CD1E: variants seen among roughly 807,000 people sequenced by gnomAD.
CD1E encodes T-cell surface glycoprotein CD1e, membrane-associated.
A neutral mutation model predicts 40.1 loss-of-function variants in CD1E; 49 were observed. The ratio of observed to expected loss-of-function variants is 1.22; its 90% CI spans 0.97 to 1.55. CD1E has a LOEUF of 1.55. Ranked by LOEUF, CD1E falls within the 40% of genes most tolerant of loss-of-function variation. The pLI is 0.00. For missense variants in CD1E, 492 were observed against 471.3 expected (o/e 1.04, Z -0.41); for synonymous variants, 189 against 178.3 (o/e 1.06, Z -0.48).
Position 158,354,006 on chromosome 1 carries a change from C to G in CD1E, c.18C>G (p.Leu6=), listed in dbSNP as rs1425834081. Residue 6 remains leucine (L), a synonymous_variant, in exon 1 of 6, where the codon CTC becomes CTG. Transcript: ENST00000368167. MLLLF[L]LFEGLCCPGE... ...GAGCTTCAATGCTGCTCCTGTTCCT[C>G]CTCTTCGAGGGTCTCTGCTGTCCTG... The G allele has an allele frequency of 6.2e-7, 1 of 1,614,100 alleles. No homozygotes were observed. Among genetic ancestry groups the G allele is most frequent in the Non-Finnish European group, 8.5e-7 (1 of 1,179,938 alleles).
Position 158,354,463 on chromosome 1 carries a change from A to G in CD1E, c.145A>G (p.Ser49Gly), listed in dbSNP as rs79173509. 2.1e-4 allele frequency: 345 copies of G among 1,614,054 alleles called. 1 individual carries two copies. Among genetic ancestry groups the G allele is most frequent in the Non-Finnish European group, 2.8e-4 (328 of 1,179,996 alleles). The change falls in exon 2 of 6, where the codon AGC becomes GGC. Residue 49 changes from serine to glycine, a missense_variant. Ser to Gly is a moderately conservative substitution (Grantham distance 56). Coordinates refer to ENST00000368167, the MANE Select transcript of CD1E (RefSeq NM_030893.4). ...CCAAACTTCCTCCTTTGCCAACCACAGCTGGGCACACAGTGAGGGCTCAGG... is the reference window on the plus strand; with the variant it reads ...CCAAACTTCCTCCTTTGCCAACCACGGCTGGGCACACAGTGAGGGCTCAGG... ...MLQTSSFANHSWAHSEGSGWL... is the reference protein window; with the variant it reads ...MLQTSSFANHGWAHSEGSGWL...
rs1653720771 is a variant in CD1E, at chr1:158,356,584, A to G, written c.991A>G (p.Lys331Glu). Residue 331 changes from lysine to glutamate, a missense_variant, in exon 5 of 6, where the codon AAA becomes GAA. By Grantham distance (56) the Lys-to-Glu change is moderately conservative. Coordinates refer to ENST00000368167, the MANE Select transcript of CD1E (RefSeq NM_030893.4). ...GGTTGTAGTTGACTCACGGTTAAAAAAACAGAGGTGAGCTTTTTCTTGTTC... is the reference window on the plus strand; with the variant it reads ...GGTTGTAGTTGACTCACGGTTAAAAGAACAGAGGTGAGCTTTTTCTTGTTC... ...ILVVVDSRLK[K>E]QSSNKNILSP... 2 of 1,613,028 alleles carry G rather than the reference A, an allele frequency of 1.2e-6. No homozygotes were observed. The highest frequency in any genetic ancestry group is 1.7e-6 in the Non-Finnish European group (2 of 1,179,108).
At chr1:158,354,765 A>C in intron 2 of CD1E, 92 bp downstream of exon 2, 2 of 1,105,790 alleles carry the variant, frequency 1.8e-6, no homozygotes, top group Non-Finnish European at 2.6e-6. Flanking sequence ...CCATCATTTA[A>C]CCTTACTAAC....
At chr1:158,354,260 A>T in intron 1 of CD1E, 117 bp from the exon 2 acceptor site, 1 of 1,028,400 alleles carries the variant, frequency 9.7e-7, no homozygotes, top group Non-Finnish European at 1.4e-6. Context: ...GGAAAAGGGT[A>T]TTGGAGTATG....
At position 158,354,364 on chromosome 1, in the gene CD1E, C is replaced by T. The variant is rs377463649; in HGVS notation, c.59-13C>T. ...TTTACATTCTCTCTACTTGTCATTT[C>T]CCTCTCTCTCAGCTCCCCAGGCTCT... is the stretch of plus-strand genomic sequence containing the variant. On this transcript the variant is annotated splice_polypyrimidine_tract_variant and intron_variant, in intron 1 of 5. Coordinates refer to ENST00000368167, the MANE Select transcript of CD1E (RefSeq NM_030893.4). 2.0e-5 allele frequency: 31 copies of T among 1,573,134 alleles called. No individual in the cohort carries two copies. Among genetic ancestry groups the T allele is most frequent in the Non-Finnish European group, 2.6e-5 (30 of 1,161,590 alleles).
At position 158,354,489 on chromosome 1, in the gene CD1E, A is replaced by T; in HGVS notation, c.171A>T (p.Gly57=). Residue 57 remains glycine, a synonymous_variant, in exon 2 of 6, where the codon GGA becomes GGT. Transcript: ENST00000368167. ...NHSWAHSEGS[G]WLGDLQTHGW... is the part of the protein sequence containing the mutation. Reference sequence around the variant, plus strand: ...GCTGGGCACACAGTGAGGGCTCAGGATGGCTGGGTGACCTGCAGACTCATG... The same window carrying T: ...GCTGGGCACACAGTGAGGGCTCAGGTTGGCTGGGTGACCTGCAGACTCATG... 5.0e-6 allele frequency: 8 copies of T among 1,614,136 alleles called. No individual in the cohort carries two copies. Among genetic ancestry groups the T allele is most frequent in the Non-Finnish European group, 6.8e-6 (8 of 1,180,020 alleles).
At chr1:158,355,686 G>T (rs1348357700) in intron 3 of CD1E, 117 bp downstream of exon 3, 1 of 1,417,684 alleles carries the variant, frequency 7.1e-7, no homozygotes, top group East Asian at 2.5e-5. Flanking sequence ...GAGATGTGTG[G>T]GTTCAGGACT....
In CD1E at chr1:158,357,033, C is replaced by A; in HGVS notation, c.*137C>A. 4.5e-6 allele frequency: 3 copies of A among 668,144 alleles called. No individual in the cohort carries two copies. The highest frequency in any genetic ancestry group is 7.4e-6 in the Non-Finnish European group (3 of 404,724). 41.4% of individuals were successfully genotyped at this position (668,144 alleles called of 1,614,324 possible). On this transcript the variant is annotated 3_prime_UTR_variant, in exon 6 of 6. Coordinates refer to ENST00000368167, the MANE Select transcript of CD1E (RefSeq NM_030893.4). ...GACCCCTTTAGGAATACTTTTTCCC[C>A]ATCTTCCAGAGATTTTTTTTTTCCT...
At position 158,356,068 on chromosome 1, in the gene CD1E, C is replaced by T. The variant is rs141722283; in HGVS notation, c.867C>T (p.His289=). 5.6e-6 allele frequency: 9 copies of T among 1,613,860 alleles called. No individual in the cohort carries two copies. In the Admixed American group the frequency reaches 1.2e-4, roughly 21 times the overall value. Residue 289 remains histidine, a synonymous_variant, in exon 4 of 6, where the codon CAC becomes CAT. Transcript: ENST00000368167. ...CTGGCCTGTCCTGTCGGGTGAAACA[C>T]AGCAGTCTAGGGGGCCATGATCTAA... is the stretch of plus-strand genomic sequence containing the variant. ...EAAGLSCRVK[H]SSLGGHDLII...
In CD1E at chr1:158,355,300, A is replaced by G. The variant is rs1653479926; in HGVS notation, c.356A>G (p.Tyr119Cys). The G allele has an allele frequency of 1.9e-6, 3 of 1,613,300 alleles. No individual in the cohort carries two copies. Among genetic ancestry groups the G allele is most frequent in the East Asian group, 2.2e-5 (1 of 44,876 alleles). The stretch of plus-strand genomic sequence containing the variant: ...ATCTCTCTTCCCTGTCCACTCTCAG[A>G]CCCCTTCGAGATCCAGATATTAGCT... ...QASAGQFQLE[Y>C]PFEIQILAGC... The change falls in exon 3 of 6, where the codon TAC becomes TGC. Residue 119 changes from tyrosine (Y) to cysteine (C), a missense_variant and splice_region_variant. Coordinates refer to ENST00000368167, the MANE Select transcript of CD1E (RefSeq NM_030893.4).
chr1:158,356,202 G>A (rs769052162), intron 4 of CD1E, 97 bp downstream of exon 4: 1 of 1,397,588 alleles, frequency 7.2e-7, no homozygotes, highest in Non-Finnish European at 9.8e-7. Flanking sequence ...CTAGGTACAA[G>A]AAGGGTAAAA....
Position 158,354,533 on chromosome 1 carries a change from G to A in CD1E, c.215G>A (p.Gly72Asp). ...LQTHGWDTVL[G>D]TIRFLKPWSH... ...ACTCATGGCTGGGACACTGTCTTGG[G>A]CACCATCCGCTTTCTGAAGCCCTGG... The change falls in exon 2 of 6, where the codon GGC (glycine) becomes GAC (aspartate). Residue 72 changes from glycine (G) to aspartate (D), a missense_variant. Coordinates refer to ENST00000368167, the MANE Select transcript of CD1E (RefSeq NM_030893.4). The A allele has an allele frequency of 1.2e-6, 2 of 1,614,106 alleles. No homozygotes were observed. Among genetic ancestry groups the A allele is most frequent in the Non-Finnish European group, 1.7e-6 (2 of 1,180,030 alleles).
At chr1:158,355,223 T>A in intron 2 of CD1E, 77 bp from the exon 3 acceptor site, 1 of 1,432,388 alleles carries the variant, frequency 7.0e-7, no homozygotes, top group Non-Finnish European at 9.5e-7. Context: ...CCCTTGAATC[T>A]CTTTACTGTC....
In CD1E at chr1:158,356,959, A is replaced by G. The variant is rs969451438; in HGVS notation, c.*63A>G. 1.1e-5 allele frequency: 15 copies of G among 1,340,656 alleles called. No individual in the cohort carries two copies. In the African/African-American group the frequency reaches 1.2e-4, roughly 10 times the overall value. The allele number at this position is 1,340,656 out of a possible 1,614,324, so 83.0% of individuals were successfully genotyped here. A position where few individuals can be genotyped will look rare whatever the true frequency, so the allele number is the denominator to read the frequency against. ...TCTTCTTAAACACCGTCCATGTCCC[A>G]TAAGGGAAGCATGCTTTTATTTAAA... On this transcript the variant is annotated 3_prime_UTR_variant, in exon 6 of 6. Transcript: ENST00000368167.
At chr1:158,356,415 G>A in intron 4 of CD1E, 83 bp from the exon 5 acceptor site, 1 of 1,138,836 alleles carries the variant, frequency 8.8e-7, no homozygotes, top group African/African-American at 1.5e-5. Flanking sequence ...TTCTAGGAAG[G>A]TCCCACCCTT....
rs773359926 is a variant in CD1E at position 158,354,075 on chromosome 1, T to C, written c.58+29T>C. 17 of 1,594,508 alleles carry C rather than the reference T, an allele frequency of 1.1e-5. No homozygotes were observed. In the East Asian group the frequency reaches 3.6e-4, roughly 34 times the overall value. Reference sequence around the variant, plus strand: ...AGAAGAGTGCAGGTGGAAAGATACCTATGGTAGGGCACCAGAGGGCTGAGA... The same window carrying C: ...AGAAGAGTGCAGGTGGAAAGATACCCATGGTAGGGCACCAGAGGGCTGAGA... On this transcript the variant is annotated intron_variant, in intron 1 of 5. Coordinates refer to ENST00000368167, the MANE Select transcript of CD1E (RefSeq NM_030893.4).
chr1:158,355,169 C>A, intron 2 of CD1E, 131 bp from the exon 3 acceptor site: 2 of 827,302 alleles, frequency 2.4e-6, no homozygotes, highest in Non-Finnish European at 3.8e-6. Flanking sequence ...TCCCCTTTGC[C>A]AGTAAACTCT....
At position 158,355,430 on chromosome 1, in the gene CD1E, G is replaced by A. The variant is rs201627611; in HGVS notation, c.486G>A (p.Gly162=). Residue 162 remains glycine, a synonymous_variant, in exon 3 of 6, where the codon GGG becomes GGA. Coordinates refer to ENST00000368167, the MANE Select transcript of CD1E (RefSeq NM_030893.4). ...CCTGGGAGCCATCTCCAGGAGCAGG[G>A]ATCCGGGCCCAGAACATCTGTAAAG... ...GISWEPSPGA[G]IRAQNICKVL... is the part of the protein sequence containing the mutation. 6.2e-7 allele frequency: 1 copy of A among 1,614,118 alleles called. No homozygotes were observed. The highest frequency in any genetic ancestry group is 1.7e-5 in the Admixed American group (1 of 60,014).
intron 1 of CD1E, 155 bp downstream of exon 1, chr1:158,354,201 C>T (rs999936589): frequency 3.3e-6 from 3 of 909,022 alleles, no homozygotes; most frequent in Non-Finnish European, 5.1e-6. Flanking sequence ...TTCTTGCTCT[C>T]AGTCTCAGTT....
Sources: allele counts gnomAD v4.1 joint callset, GRCh38; gene constraint gnomAD v4.1.1; transcripts MANE v1.5; gene names NCBI Gene and HGNC (gene_info 2026-07-23, HGNC 2026-07-21).